SKAP2: variants seen among roughly 807,000 people sequenced by gnomAD.
The protein encoded by SKAP2 is src kinase-associated phosphoprotein 2.
In SKAP2, 28 loss-of-function variants were observed where a neutral mutation model predicts 54.9. The ratio of observed to expected loss-of-function variants is 0.51; its 90% CI spans 0.38 to 0.70. The LOEUF (loss-of-function observed/expected upper bound fraction) is 0.70. SKAP2 is among the 30% of genes least tolerant of loss of function. SKAP2 has a pLI of 0.00. For synonymous variants in SKAP2, 137 were observed against 134.3 expected (o/e 1.02, Z -0.14); for missense variants, 356 against 424.1 (o/e 0.84, Z 1.41).
At chr7:26,700,655 G>A (rs556008354) in intron 9 of SKAP2, among the ~76,000 whole-genome samples, 1 of 152,304 alleles carries the variant, frequency 6.6e-6, no homozygotes, top group Admixed American at 6.5e-5. Context: ...CAATCCTGAA[G>A]AGTCCGCCTA....
intron 3 of SKAP2, among the ~76,000 whole-genome samples, chr7:26,849,604 G>GA (rs1323911549): frequency 6.7e-6 from 1 of 149,624 alleles, no homozygotes; most frequent in Non-Finnish European, 1.5e-5. Flanking sequence ...AGAATCGCTT[G>GA]AACCCAGGAG....
At chr7:26,781,574 A>G (rs1316554999) in intron 4 of SKAP2, among the ~76,000 whole-genome samples, 1 of 152,188 alleles carries the variant, frequency 6.6e-6, no homozygotes, top group East Asian at 1.9e-4. Context: ...TTTACAAAGA[A>G]ACTAGGCATT....
At chr7:26,660,740 A>G in the SKAP2 span, among the ~76,000 whole-genome samples, 5,547 of 152,138 alleles carry the variant, frequency 0.036, 338 homozygotes, top group African/African-American at 0.13. Context: ...TTAAGATGGT[A>G]AGAGAAACTT....
At chr7:26,763,155 G>C (rs906740475) in intron 4 of SKAP2, among the ~76,000 whole-genome samples, 26 of 151,942 alleles carry the variant, frequency 1.7e-4, no homozygotes, top group Non-Finnish European at 2.9e-4. Context: ...ATATTTACTT[G>C]CTTGAATATA....
chr7:26,776,655 T>C (rs939994539), intron 4 of SKAP2, among the ~76,000 whole-genome samples: 5 of 152,188 alleles, frequency 3.3e-5, no homozygotes, highest in African/African-American at 4.8e-5. Flanking sequence ...ACCATTTCTT[T>C]AAGCTCTTAT....
chr7:26,773,843 A>C (rs1783241335), intron 4 of SKAP2, among the ~76,000 whole-genome samples: 1 of 152,186 alleles, frequency 6.6e-6, no homozygotes, highest in African/African-American at 2.4e-5. Context: ...CTTAACACAT[A>C]AACAGAATCA....
chr7:26,724,311 T>C (rs1362963879), intron 9 of SKAP2, among the ~76,000 whole-genome samples: 2 of 152,172 alleles, frequency 1.3e-5, no homozygotes, highest in Admixed American at 6.5e-5. Flanking sequence ...GATCAAGCAC[T>C]ATGCTGAAAG....
At chr7:26,854,725 A>C in intron 2 of SKAP2, 60 bp downstream of exon 2, 1 of 1,461,184 alleles carries the variant, frequency 6.8e-7, no homozygotes, top group African/African-American at 1.4e-5. Context: ...TCTTATTAAA[A>C]TGTTAGTTAC....
intron 9 of SKAP2, among the ~76,000 whole-genome samples, chr7:26,721,718 A>G (rs1427983262): frequency 2.6e-5 from 4 of 152,184 alleles, no homozygotes; most frequent in Non-Finnish European, 5.9e-5. Context: ...TACTAGGCTG[A>G]TTCTATTCAG....
chr7:26,689,713 T>A (rs1017925964), intron 10 of SKAP2, among the ~76,000 whole-genome samples: 1 of 152,180 alleles, frequency 6.6e-6, no homozygotes, highest in Non-Finnish European at 1.5e-5. Flanking sequence ...AGGCTGCAGA[T>A]CAATTAGCAG....
intron 4 of SKAP2, among the ~76,000 whole-genome samples, chr7:26,756,628 C>G (rs1478813889): frequency 6.6e-6 from 1 of 152,092 alleles, no homozygotes; most frequent in Admixed American, 6.6e-5. Context: ...TGAGTAGTGC[C>G]GCAATAAACA....
intron 4 of SKAP2, among the ~76,000 whole-genome samples, chr7:26,828,077 T>C (rs2127991790): frequency 6.6e-6 from 1 of 152,330 alleles, no homozygotes; most frequent in South Asian, 2.1e-4. Context: ...TCTAAGACCA[T>C]GATCACAGCA....
At chr7:26,747,696 A>G (rs763632238) in intron 4 of SKAP2, among the ~76,000 whole-genome samples, 1 of 152,000 alleles carries the variant, frequency 6.6e-6, no homozygotes, top group Non-Finnish European at 1.5e-5. Context: ...TCAGAGTCCA[A>G]TCAAAAGCTT....
At chr7:26,812,502 C>T (rs1784168552) in intron 4 of SKAP2, among the ~76,000 whole-genome samples, 1 of 151,978 alleles carries the variant, frequency 6.6e-6, no homozygotes, top group African/African-American at 2.4e-5. Context: ...TAAAAAAGCA[C>T]CATATGTTCT....
At chr7:26,680,773 A>C (rs577105721) in intron 11 of SKAP2, among the ~76,000 whole-genome samples, 6 of 152,354 alleles carry the variant, frequency 3.9e-5, no homozygotes, top group South Asian at 2.1e-4. Flanking sequence ...CAAAGGTGAA[A>C]CCTAAGGAAA....
At chr7:26,851,848 GC>G (rs1304223531) in intron 3 of SKAP2, among the ~76,000 whole-genome samples, 2 of 152,032 alleles carry the variant, frequency 1.3e-5, no homozygotes, top group Non-Finnish European at 2.9e-5. Flanking sequence ...ACATCTGTGT[GC>G]CTTAGAGAAA....
chr7:26,666,457 A>T (rs1337893394), downstream of SKAP2, among the ~76,000 whole-genome samples: 1 of 152,192 alleles, frequency 6.6e-6, no homozygotes, highest in Non-Finnish European at 1.5e-5. Context: ...AGTAGAAATC[A>T]TAAGAACTAA....
At chr7:26,726,167 G>A (rs1459387824) in intron 7 of SKAP2, among the ~76,000 whole-genome samples, 181 bp from the exon 8 acceptor site, 8 of 152,100 alleles carry the variant, frequency 5.3e-5, no homozygotes, top group Non-Finnish European at 2.9e-5. Context: ...TGAAGCAGAG[G>A]ATGATGAATT....
chr7:26,719,637 C>G (rs895175559), intron 9 of SKAP2, among the ~76,000 whole-genome samples: 1 of 152,184 alleles, frequency 6.6e-6, no homozygotes, highest in Admixed American at 6.5e-5. Flanking sequence ...AAGATAGTAG[C>G]TCATGAAAAT....
Sources: gnomAD v4.1 joint callset for allele counts (sites outside exome capture counted in the v4.1 genomes callset) on GRCh38, gnomAD v4.1.1 for gene constraint, MANE v1.5 for transcripts, NCBI Gene and HGNC (gene_info 2026-07-23, HGNC 2026-07-21) for gene names.